Variants in FGF14 observed in about 807,000 individuals in gnomAD.
FGF14 encodes the protein fibroblast growth factor homologous factor 4.
Under a neutral mutation model 25.5 loss-of-function variants are expected in FGF14, and 5 were observed. The ratio of observed to expected loss-of-function variants is 0.20; its 90% CI spans 0.10 to 0.41. The LOEUF is 0.41. Ranked by LOEUF, FGF14 falls within the 10% of genes least tolerant of loss-of-function variation. The pLI, the probability that FGF14 is intolerant of heterozygous loss-of-function variation, is 1.00. For synonymous variants in FGF14, 138 were observed against 118.3 expected (o/e 1.17, Z -1.08); for missense variants, 222 against 320.1 (o/e 0.69, Z 2.34).
chr13:102,276,536 G>C (rs1368895539), intron 1 of FGF14, among the ~76,000 whole-genome samples: 2 of 151,888 alleles, frequency 1.3e-5, no homozygotes, highest in East Asian at 3.9e-4. Context: ...GCTCTGAAAA[G>C]ATTGTTTGTT....
At chr13:102,357,242 C>G (rs1462807228) in intron 1 of FGF14, among the ~76,000 whole-genome samples, 1 of 151,766 alleles carries the variant, frequency 6.6e-6, no homozygotes, top group Admixed American at 6.6e-5. Flanking sequence ...CATCTTACGT[C>G]CCTCATGGTC....
intron 3 of FGF14, among the ~76,000 whole-genome samples, chr13:101,832,066 T>C (rs1474148170): frequency 1.3e-5 from 2 of 152,082 alleles, no homozygotes; most frequent in African/African-American, 4.8e-5. Flanking sequence ...GATTATCCTT[T>C]ATCATCTGGG....
At chr13:102,037,098 A>T (rs1447762552) in intron 1 of FGF14, among the ~76,000 whole-genome samples, 1 of 152,130 alleles carries the variant, frequency 6.6e-6, no homozygotes, top group African/African-American at 2.4e-5. Flanking sequence ...TTTGTTGGTG[A>T]CTAATTACTA....
At chr13:101,948,072 T>A (rs529756572) in intron 1 of FGF14, among the ~76,000 whole-genome samples, 48 of 152,346 alleles carry the variant, frequency 3.2e-4, no homozygotes, top group Middle Eastern at 6.8e-3. Context: ...TACTACCATT[T>A]TGTCTTTTGT....
chr13:102,144,480 T>C (rs1351857578), intron 1 of FGF14, among the ~76,000 whole-genome samples: 1 of 152,054 alleles, frequency 6.6e-6, no homozygotes, highest in African/African-American at 2.4e-5. Flanking sequence ...AAATGTATTA[T>C]AGTATATGAT....
At chr13:102,332,373 T>C (rs1456542043) in intron 1 of FGF14, among the ~76,000 whole-genome samples, 4 of 152,152 alleles carry the variant, frequency 2.6e-5, no homozygotes, top group Non-Finnish European at 5.9e-5. Context: ...TATTCTGAGA[T>C]GCCATTGTAT....
chr13:102,364,595 T>G (rs2057656694), intron 1 of FGF14, among the ~76,000 whole-genome samples: 1 of 152,224 alleles, frequency 6.6e-6, no homozygotes, highest in Non-Finnish European at 1.5e-5. Context: ...TTCTATATAT[T>G]GCCAATTAAA....
chr13:101,873,250 TC>T (rs1399470621), intron 2 of FGF14, among the ~76,000 whole-genome samples: 2 of 152,144 alleles, frequency 1.3e-5, no homozygotes, highest in African/African-American at 4.8e-5. Context: ...TTGATTCCTA[TC>T]ATTAAAGGTA....
intron 1 of FGF14, among the ~76,000 whole-genome samples, chr13:102,111,140 C>G (rs1395162762): frequency 6.6e-6 from 1 of 152,108 alleles, no homozygotes; most frequent in East Asian, 1.9e-4. Context: ...CCTCCTCCAC[C>G]TGCAGGCACC....
At position 101,904,369 on chromosome 13, in the gene FGF14, G is replaced by GA. The variant is rs200444271; in HGVS notation, c.193+12083dup. ...GTATTTTCTTATATTCAGGTTTTAA[G>GA]AAAAAAAAAATCAACAGGCCTATCT... On this transcript the variant is annotated intron_variant, in intron 1 of 4. Coordinates refer to ENST00000376143, the MANE Select transcript of FGF14 (RefSeq NM_004115.4). 2.8e-4 allele frequency among the ~76,000 whole-genome samples: 41 copies of GA among 148,356 alleles called. No homozygotes were observed. In the South Asian group the frequency reaches 3.8e-3, roughly 14 times the overall value.
chr13:102,308,044 C>T lies in FGF14; in HGVS notation c.208+93427G>A, dbSNP rs144039244. ...TGACCTCAGAACAGGCCCTCTCAGA[C>T]ATCCAGGGTGTCCTCGAGACACCAG... is the stretch of plus-strand genomic sequence containing the variant. On this transcript the variant is annotated intron_variant, in intron 1 of 4. Coordinates refer to the FGF14 transcript ENST00000376131. Among the ~76,000 whole-genome samples the T allele has an allele frequency of 3.4e-3, 517 of 152,270 alleles. 3 individuals are homozygous for T. The highest frequency in any genetic ancestry group is 0.012 in the African/African-American group (480 of 41,550).
intron 1 of FGF14, among the ~76,000 whole-genome samples, chr13:102,101,091 T>G (rs117648650): frequency 0.011 from 1,708 of 149,638 alleles, 17 homozygotes; most frequent in Middle Eastern, 0.024. Flanking sequence ...AGAGCGAGAC[T>G]CCGTCTCCCG....
chr13:102,259,297 C>G (rs1326005506), intron 1 of FGF14, among the ~76,000 whole-genome samples: 1 of 152,240 alleles, frequency 6.6e-6, no homozygotes, highest in East Asian at 1.9e-4. Flanking sequence ...AGCTCCTCAA[C>G]AGACCACACT....
At chr13:102,278,273 G>A (rs79615874) in intron 1 of FGF14, among the ~76,000 whole-genome samples, 1,913 of 152,244 alleles carry the variant, frequency 0.013, 39 homozygotes, top group African/African-American at 0.043. Context: ...GAGGTAAAAC[G>A]GTTTGTGCAG....
At chr13:102,278,782 G>C (rs562623186) in intron 1 of FGF14, among the ~76,000 whole-genome samples, 19 of 152,172 alleles carry the variant, frequency 1.2e-4, no homozygotes, top group Admixed American at 9.8e-4. Flanking sequence ...AACAGCAATT[G>C]TGAGACAGGA....
In FGF14 at chr13:102,091,881, A is replaced by G. The variant is rs531516260; in HGVS notation, c.209-216585T>C. On this transcript the variant is annotated intron_variant, in intron 1 of 4. Transcript: ENST00000376131. Reference sequence around the variant, plus strand: ...AATCTTCTCTGTTCAAATAGCTGGTATCATTTCTGCCTCCAGAGTGGACTC... The same window carrying G: ...AATCTTCTCTGTTCAAATAGCTGGTGTCATTTCTGCCTCCAGAGTGGACTC... Among the ~76,000 whole-genome samples, 4 of 152,328 alleles carry G rather than the reference A, an allele frequency of 2.6e-5. No individual in the cohort carries two copies. In the South Asian group the frequency reaches 8.3e-4, roughly 32 times the overall value.
intron 1 of FGF14, among the ~76,000 whole-genome samples, chr13:101,878,266 T>G (rs574582216): frequency 1.2e-4 from 19 of 152,318 alleles, no homozygotes; most frequent in Admixed American, 3.3e-4. Context: ...TGCACATCTG[T>G]GTAGGCATGC....
chr13:101,957,615 T>A (rs1016695468), intron 1 of FGF14, among the ~76,000 whole-genome samples: 1 of 152,200 alleles, frequency 6.6e-6, no homozygotes, highest in Non-Finnish European at 1.5e-5. Flanking sequence ...CATATGCATA[T>A]TAGTATTTGA....
chr13:102,364,757 C>T (rs528890101), intron 1 of FGF14, among the ~76,000 whole-genome samples: 55 of 152,296 alleles, frequency 3.6e-4, no homozygotes, highest in African/African-American at 1.2e-3. Flanking sequence ...TGGTCAGAAA[C>T]CACGGTCTCT....
Sources: allele counts gnomAD v4.1 joint callset (sites outside exome capture counted in the v4.1 genomes callset), GRCh38; gene constraint gnomAD v4.1.1; transcripts MANE v1.5; gene names NCBI Gene and HGNC (gene_info 2026-07-23, HGNC 2026-07-21).